The following BYSL variants were observed in gnomAD, a reference collection of about 807,000 sequenced individuals.
The protein encoded by BYSL is bystin like.
Under a neutral mutation model 45.4 loss-of-function variants are expected in BYSL, and 21 were observed. The ratio of observed to expected loss-of-function variants is 0.46; its 90% CI spans 0.33 to 0.67. The LOEUF (loss-of-function observed/expected upper bound fraction) is 0.67. BYSL is among the 30% of genes least tolerant of loss of function. The pLI is 0.02. For missense variants in BYSL, 522 were observed against 578.5 expected (o/e 0.90, Z 1.00); for synonymous variants, 215 against 231.3 (o/e 0.93, Z 0.64).
At chr6:41,923,160 G>T (rs968057800) in intron 1 of BYSL, among the ~76,000 whole-genome samples, 2 of 150,654 alleles carry the variant, frequency 1.3e-5, no homozygotes, top group South Asian at 2.1e-4. Flanking sequence ...TTTTGAGACA[G>T]AGTCTCTCTC....
At chr6:41,916,943 G>T, upstream of BYSL, 1 of 1,613,838 alleles carries the variant, frequency 6.2e-7, no homozygotes, top group Non-Finnish European at 8.5e-7. Flanking sequence ...GGACACACTG[G>T]AAAGGAGAGC....
upstream of BYSL, among the ~76,000 whole-genome samples, chr6:41,916,509 G>A (rs1775318211): frequency 6.6e-6 from 1 of 152,080 alleles, no homozygotes. Context: ...GAACCTGGGA[G>A]GTGGAGGTTG....
chr6:41,916,951 A>C, upstream of BYSL: 1 of 1,613,602 alleles, frequency 6.2e-7, no homozygotes. Context: ...TGGAAAGGAG[A>C]GCACCAAATC....
At chr6:41,929,738 T>C (rs1319063661) in intron 2 of BYSL, among the ~76,000 whole-genome samples, 1 of 152,188 alleles carries the variant, frequency 6.6e-6, no homozygotes, top group African/African-American at 2.4e-5. Context: ...CTTCCATTAA[T>C]CTTTTAAGGT....
chr6:41,929,714 T>G (rs1365733119), intron 2 of BYSL, among the ~76,000 whole-genome samples: 2 of 152,330 alleles, frequency 1.3e-5, no homozygotes, highest in East Asian at 3.9e-4. Context: ...GAACAGACAT[T>G]AACTTATTTA....
the BYSL span, among the ~76,000 whole-genome samples, chr6:41,913,946 TTAAC>T: frequency 6.6e-6 from 1 of 152,202 alleles, no homozygotes; most frequent in Non-Finnish European, 1.5e-5. Context: ...TTTGTATGTA[TTAAC>T]TTACTTAGCA....
upstream of BYSL, chr6:41,920,966 A>C (rs1775449519): frequency 3.8e-6 from 6 of 1,597,374 alleles, no homozygotes; most frequent in Admixed American, 1.7e-5. Flanking sequence ...GCCTTTCACA[A>C]CTCCAAGCCC....
the BYSL span, among the ~76,000 whole-genome samples, chr6:41,915,428 A>T: frequency 1.8e-4 from 27 of 152,272 alleles, no homozygotes; most frequent in Non-Finnish European, 3.7e-4. Flanking sequence ...CAGGAATTTG[A>T]GGCTGCAGTG....
intron 1 of BYSL, among the ~76,000 whole-genome samples, chr6:41,923,703 G>A (rs1043980506): frequency 5.9e-5 from 9 of 152,168 alleles, no homozygotes; most frequent in Non-Finnish European, 2.9e-5. Context: ...CCAAAGTGCT[G>A]GGATTACAGG....
At position 41,927,262 on chromosome 6, in the gene BYSL, C is replaced by T. The variant is rs1056438365; in HGVS notation, c.269-112C>T. Reference sequence around the variant, plus strand: ...GCATTTGTTTCACTGCACATACCTGCGTCTATCACAACCACATGTGAGGCC... The same window carrying T: ...GCATTTGTTTCACTGCACATACCTGTGTCTATCACAACCACATGTGAGGCC... On this transcript the variant is annotated intron_variant, in intron 1 of 6. Transcript: ENST00000230340. 25 of 1,313,640 alleles carry T rather than the reference C, an allele frequency of 1.9e-5. No homozygotes were observed. The East Asian group carries it at 4.9e-4, about 26-fold the overall frequency. 81.4% of individuals were successfully genotyped at this position (1,313,640 alleles called of 1,614,324 possible).
chr6:41,910,498 G>A, the BYSL span, among the ~76,000 whole-genome samples: 221 of 151,796 alleles, frequency 1.5e-3, no homozygotes, highest in South Asian at 2.3e-3. Flanking sequence ...TGGGTGTGGC[G>A]GTGCACGCCT....
chr6:41,929,322 A>AC (rs1775604699), intron 2 of BYSL, among the ~76,000 whole-genome samples: 1 of 151,994 alleles, frequency 6.6e-6, no homozygotes, highest in African/African-American at 2.4e-5. Context: ...ACATGGGGAG[A>AC]CCCCATCTCT....
intron 1 of BYSL, among the ~76,000 whole-genome samples, chr6:41,925,875 G>A (rs774603669): frequency 2.0e-5 from 3 of 151,834 alleles, no homozygotes; most frequent in African/African-American, 7.3e-5. Flanking sequence ...TAGTAGAGAC[G>A]GGGCTTCTCC....
intron 1 of BYSL, among the ~76,000 whole-genome samples, chr6:41,925,565 G>T (rs1392198004): frequency 6.6e-6 from 1 of 151,848 alleles, no homozygotes; most frequent in Non-Finnish European, 1.5e-5. Context: ...GGGTTTCACC[G>T]TGTTAGCCAG....
intron 1 of BYSL, among the ~76,000 whole-genome samples, chr6:41,927,093 C>CAA (rs79860520): frequency 4.3e-5 from 4 of 93,328 alleles, no homozygotes; most frequent in South Asian, 3.2e-4. Context: ...GACTCCATTT[C>CAA]AAAAAAAAAA....
chr6:41,927,325 C>T, intron 1 of BYSL, 49 bp from the exon 2 acceptor site: 1 of 1,601,890 alleles, frequency 6.2e-7, no homozygotes, highest in Non-Finnish European at 8.5e-7. Context: ...TGACGAAATC[C>T]CTCAGCTACC....
At chr6:41,924,790 A>G (rs570859833) in intron 1 of BYSL, among the ~76,000 whole-genome samples, 1 of 152,346 alleles carries the variant, frequency 6.6e-6, no homozygotes, top group Non-Finnish European at 1.5e-5. Context: ...GAGGGAAGCA[A>G]GGTCAGAAAC....
At chr6:41,921,456 G>A, upstream of BYSL, 1 of 1,430,490 alleles carries the variant, frequency 7.0e-7, no homozygotes, top group Non-Finnish European at 9.3e-7. Flanking sequence ...AGGGGGCGCT[G>A]TGATCGCCGG....
intron 1 of BYSL, 62 bp downstream of exon 1, chr6:41,921,892 T>C: frequency 6.5e-7 from 1 of 1,527,328 alleles, no homozygotes; most frequent in African/African-American, 1.4e-5. Flanking sequence ...GGTGGGCAGC[T>C]AAAAAGTGTC....
Sources: gnomAD v4.1 joint callset for allele counts (sites outside exome capture counted in the v4.1 genomes callset) on GRCh38, gnomAD v4.1.1 for gene constraint, MANE v1.5 for transcripts, NCBI Gene and HGNC (gene_info 2026-07-23, HGNC 2026-07-21) for gene names.